Variants in UGGT1 observed in about 807,000 individuals in gnomAD.
UGGT1 encodes the protein UDP-glucose glycoprotein glucosyltransferase 1.
In UGGT1, 107 loss-of-function variants were observed where a neutral mutation model predicts 203.9. The ratio of observed to expected loss-of-function variants is 0.52; its 90% CI spans 0.45 to 0.62. The LOEUF is 0.62. Among genes scored for constraint, UGGT1 ranks in the 20% least tolerant of loss-of-function variants. UGGT1 has a pLI of 0.00. For synonymous variants in UGGT1, 628 were observed against 653.5 expected (o/e 0.96, Z 0.59); for missense variants, 1,673 against 1,867.2 (o/e 0.90, Z 1.92).
intron 23 of UGGT1, among the ~76,000 whole-genome samples, chr2:128,160,233 G>T (rs1690457398): frequency 6.6e-6 from 1 of 152,182 alleles, no homozygotes; most frequent in Non-Finnish European, 1.5e-5. Context: ...ATGATGAATA[G>T]TCTGCTAGTC....
intron 13 of UGGT1, among the ~76,000 whole-genome samples, chr2:128,131,881 C>T (rs902850874): frequency 4.5e-4 from 69 of 152,118 alleles, no homozygotes; most frequent in Non-Finnish European, 5.7e-4. Flanking sequence ...CCCACTTTGG[C>T]CTCCCAAAGT....
At chr2:128,152,533 G>T (rs1420999642) in intron 18 of UGGT1, among the ~76,000 whole-genome samples, 1 of 152,156 alleles carries the variant, frequency 6.6e-6, no homozygotes, top group African/African-American at 2.4e-5. Context: ...CTGTGCCTTA[G>T]CTTCCTCATC....
At chr2:128,123,373 C>G (rs1688469987) in intron 11 of UGGT1, 127 bp downstream of exon 11, 1 of 829,096 alleles carries the variant, frequency 1.2e-6, no homozygotes, top group South Asian at 2.0e-5. Flanking sequence ...TTTTTCATTT[C>G]TGTGATCTTT....
chr2:128,169,464 A>T (rs1233364341), intron 26 of UGGT1, among the ~76,000 whole-genome samples: 1 of 152,224 alleles, frequency 6.6e-6, no homozygotes, highest in East Asian at 1.9e-4. Flanking sequence ...TGGCCTTGTA[A>T]ATTTGTTTAG....
intron 26 of UGGT1, among the ~76,000 whole-genome samples, chr2:128,165,418 C>T (rs1690739222): frequency 6.6e-6 from 1 of 152,174 alleles, no homozygotes; most frequent in Non-Finnish European, 1.5e-5. Context: ...CAGAGATTGG[C>T]TGGGCGTGGT....
In UGGT1 at chr2:128,190,992, G is replaced by A. The variant is rs1048696899; in HGVS notation, c.*1250G>A. 1.3e-5 allele frequency: 2 copies of A among 152,280 alleles called. No homozygotes were observed. The highest frequency in any genetic ancestry group is 6.5e-5 in the Admixed American group (1 of 15,292). 9.4% of individuals were successfully genotyped at this position (152,280 alleles called of 1,614,324 possible). On this transcript the variant is annotated 3_prime_UTR_variant, in exon 41 of 41. Transcript: ENST00000259253. ...AGTGTTGCCCCTCAGGGCATACTTT[G>A]CTGGTGAACGGGCTGTAGAGTCTTG...
intron 27 of UGGT1, 35 bp from the exon 28 acceptor site, chr2:128,171,170 A>C: frequency 6.3e-7 from 1 of 1,579,442 alleles, no homozygotes; most frequent in Non-Finnish European, 8.6e-7. Context: ...GAAGAAAAAA[A>C]TCCTAAATAT....
chr2:128,181,126 T>C, intron 36 of UGGT1, 54 bp downstream of exon 36: 2 of 1,525,132 alleles, frequency 1.3e-6, no homozygotes, highest in Non-Finnish European at 1.8e-6. Context: ...AACAAATTGC[T>C]TCTTTTTAAA....
rs528761291 is a variant in UGGT1, at chr2:128,133,941, C to T, written c.1497+681C>T. Among the ~76,000 whole-genome samples, 8 of 152,112 alleles carry T rather than the reference C, an allele frequency of 5.3e-5. No individual in the cohort carries two copies. In the South Asian group the frequency reaches 8.3e-4, roughly 16 times the overall value. On this transcript the variant is annotated intron_variant, in intron 14 of 40. Transcript: ENST00000259253. ...ATTTCTTTCCCTTCCCTCACACAGC[C>T]GGGAAAGAGATAGTGGTAGGGTTAG... is the stretch of plus-strand genomic sequence containing the variant.
chr2:128,143,900 T>C, intron 17 of UGGT1, among the ~76,000 whole-genome samples: 1 of 152,140 alleles, frequency 6.6e-6, no homozygotes, highest in Admixed American at 6.6e-5. Flanking sequence ...TTTGAAATGG[T>C]TAATTTTAGG....
At chr2:128,179,704 G>A (rs529570051) in intron 34 of UGGT1, 82 bp from the exon 35 acceptor site, 1 of 1,166,148 alleles carries the variant, frequency 8.6e-7, no homozygotes, top group Non-Finnish European at 1.2e-6. Context: ...GAGCATTTAG[G>A]TGTCTCGTGA....
intron 19 of UGGT1, among the ~76,000 whole-genome samples, chr2:128,153,413 C>T (rs1296059541): frequency 1.3e-5 from 2 of 151,748 alleles, no homozygotes; most frequent in Admixed American, 1.3e-4. Flanking sequence ...TGAAAAAAAC[C>T]CCACAAAGTT....
At chr2:128,116,566 G>A (rs183244903) in intron 8 of UGGT1, among the ~76,000 whole-genome samples, 7 of 151,528 alleles carry the variant, frequency 4.6e-5, no homozygotes, top group East Asian at 1.9e-4. Context: ...TCGCTGTGTC[G>A]CCCAGGTTGG....
intron 26 of UGGT1, among the ~76,000 whole-genome samples, chr2:128,169,853 TG>T (rs1382898338): frequency 6.6e-6 from 1 of 152,246 alleles, no homozygotes; most frequent in Non-Finnish European, 1.5e-5. Context: ...TGCAGCTAAG[TG>T]GGCTGGGATA....
At chr2:128,162,834 G>A (rs1558808519) in intron 25 of UGGT1, among the ~76,000 whole-genome samples, 1 of 152,162 alleles carries the variant, frequency 6.6e-6, no homozygotes, top group Non-Finnish European at 1.5e-5. Flanking sequence ...CTTGCCTTTT[G>A]CCAATGAGAG....
rs117068712 is a variant in UGGT1 at position 128,178,942 on chromosome 2, T to C, written c.3815+373T>C. ...ACTGCCTTGTAAAGATTCACAGGATTTTAGAGCCAGGAGAGAGCTTAGTTC... is the reference window on the plus strand; with the variant it reads ...ACTGCCTTGTAAAGATTCACAGGATCTTAGAGCCAGGAGAGAGCTTAGTTC... On this transcript the variant is annotated intron_variant, in intron 34 of 40. Coordinates refer to ENST00000259253, the MANE Select transcript of UGGT1 (RefSeq NM_020120.4). Among the ~76,000 whole-genome samples the C allele has an allele frequency of 7.2e-5, 11 of 152,250 alleles. No homozygotes were observed. In the East Asian group the frequency reaches 2.1e-3, roughly 29 times the overall value.
At chr2:128,186,535 A>AG (rs1691990022) in intron 38 of UGGT1, 148 bp from the exon 39 acceptor site, 1 of 486,090 alleles carries the variant, frequency 2.1e-6, no homozygotes, top group African/African-American at 2.0e-5. Context: ...TGAACCTGGG[A>AG]GGTGGAGGCT....
chr2:128,132,200 A>G (rs1384326015), intron 13 of UGGT1, among the ~76,000 whole-genome samples: 4 of 149,318 alleles, frequency 2.7e-5, no homozygotes, highest in African/African-American at 9.9e-5. Flanking sequence ...TTTATTTTTC[A>G]TATTCTTTTT....
At chr2:128,137,723 A>G (rs1042035435) in intron 15 of UGGT1, among the ~76,000 whole-genome samples, 2 of 152,226 alleles carry the variant, frequency 1.3e-5, no homozygotes, top group Non-Finnish European at 2.9e-5. Flanking sequence ...AATTTTTGTG[A>G]AAGATATAAA....
Sources: allele counts gnomAD v4.1 joint callset (sites outside exome capture counted in the v4.1 genomes callset), GRCh38; gene constraint gnomAD v4.1.1; transcripts MANE v1.5; gene names NCBI Gene and HGNC (gene_info 2026-07-23, HGNC 2026-07-21).